Variants in SEC24B observed in about 807,000 individuals in gnomAD.
SEC24B encodes the protein SEC24 homolog B, COPII component.
Under a neutral mutation model 142.8 loss-of-function variants are expected in SEC24B, and 45 were observed. That is an observed-to-expected ratio of 0.32 (90% CI 0.25 to 0.40). The LOEUF is 0.40. Ranked by LOEUF, SEC24B falls within the 10% of genes least tolerant of loss-of-function variation. The pLI, the probability that SEC24B is intolerant of heterozygous loss-of-function variation, is 1.00. For missense variants in SEC24B, 1,409 were observed against 1,526.8 expected (o/e 0.92, Z 1.29); for synonymous variants, 574 against 568.2 (o/e 1.01, Z -0.15).
chr4:109,525,315 T>A, intron 15 of SEC24B, 31 bp from the exon 16 acceptor site: 1 of 1,517,720 alleles, frequency 6.6e-7, no homozygotes, highest in Non-Finnish European at 8.9e-7. Context: ...ATTATTTCTA[T>A]AGCTAATACT....
intron 6 of SEC24B, among the ~76,000 whole-genome samples, chr4:109,496,174 G>A (rs1168443865): frequency 2.0e-5 from 3 of 151,474 alleles, no homozygotes; most frequent in Admixed American, 6.6e-5. Context: ...GTGCAGTGGC[G>A]CTATCTCAGC....
Position 109,442,680 on chromosome 4 carries a change from CAG to C in SEC24B, c.133+8679_133+8680del, listed in dbSNP as rs1433127838. On this transcript the variant is annotated intron_variant, in intron 1 of 23. Coordinates refer to ENST00000265175, the MANE Select transcript of SEC24B (RefSeq NM_006323.5). ...CTATTTTTAATATTAAAATGTGTCTCAGGGAGGGGGAATGATCATGCTATTAT... is the reference window on the plus strand; with the variant it reads ...CTATTTTTAATATTAAAATGTGTCTCGGAGGGGGAATGATCATGCTATTAT... Among the ~76,000 whole-genome samples the C allele has an allele frequency of 3.9e-5, 6 of 152,134 alleles. No individual in the cohort carries two copies. In the South Asian group the frequency reaches 6.2e-4, roughly 16 times the overall value.
At chr4:109,479,479 A>G (rs545651420) in intron 3 of SEC24B, among the ~76,000 whole-genome samples, 1 of 152,352 alleles carries the variant, frequency 6.6e-6, no homozygotes, top group East Asian at 1.9e-4. Context: ...TTCAGGAAGC[A>G]TTCACATATC....
At position 109,463,252 on chromosome 4, in the gene SEC24B, C is replaced by G. The variant is rs374657201; in HGVS notation, c.485C>G (p.Pro162Arg). ...TCTTTTGTGAATCACTACAATAGTCCAGCCATGTACTCTGCCAGCTCTTCT... is the reference window on the plus strand; with the variant it reads ...TCTTTTGTGAATCACTACAATAGTCGAGCCATGTACTCTGCCAGCTCTTCT... The part of the protein sequence containing the change: ...YSSFVNHYNS[P>R]AMYSASSSVA... The change falls in exon 2 of 24, where the codon CCA becomes CGA. Residue 162 changes from proline (P) to arginine (R), a missense_variant. Coordinates refer to ENST00000265175, the MANE Select transcript of SEC24B (RefSeq NM_006323.5). 1.2e-6 allele frequency: 2 copies of G among 1,614,092 alleles called. No individual in the cohort carries two copies. Among genetic ancestry groups the G allele is most frequent in the Non-Finnish European group, 1.7e-6 (2 of 1,179,992 alleles).
At position 109,533,654 on chromosome 4, in the gene SEC24B, A is replaced by G; in HGVS notation, c.3557A>G (p.Tyr1186Cys). Reference protein sequence around the residue: ...DNNFIEDVLGYTNFASIPQKM... With the variant: ...DNNFIEDVLGCTNFASIPQKM... ...AACTTCATAGAGGATGTGCTTGGAT[A>G]TACTAATTTTGCATCAATACCACAG... The change falls in exon 22 of 24, where the codon TAT (tyrosine) becomes TGT (cysteine). Residue 1186 changes from tyrosine (Y) to cysteine (C), a missense_variant. Physicochemically the swap from Tyr to Cys is radical, Grantham distance 194 (BLOSUM62 -2). Coordinates refer to ENST00000265175, the MANE Select transcript of SEC24B (RefSeq NM_006323.5). 6.2e-7 allele frequency: 1 copy of G among 1,607,816 alleles called. No homozygotes were observed. The highest frequency in any genetic ancestry group is 8.5e-7 in the Non-Finnish European group (1 of 1,177,572).
At chr4:109,495,839 C>T (rs1735486259) in intron 6 of SEC24B, among the ~76,000 whole-genome samples, 2 of 152,262 alleles carry the variant, frequency 1.3e-5, no homozygotes, top group South Asian at 4.1e-4. Flanking sequence ...CGCGACTTTA[C>T]AGGCTGCTCT....
intron 1 of SEC24B, among the ~76,000 whole-genome samples, chr4:109,443,788 A>C (rs989370256): frequency 1.3e-5 from 2 of 152,222 alleles, no homozygotes; most frequent in Non-Finnish European, 2.9e-5. Flanking sequence ...GGGAATCTTA[A>C]GGGAGGAAGT....
At chr4:109,532,332 T>TA (rs537284338) in intron 20 of SEC24B, among the ~76,000 whole-genome samples, 3,485 of 147,972 alleles carry the variant, frequency 0.024, 58 homozygotes, top group Middle Eastern at 0.041. Context: ...CAAAGAAATG[T>TA]AAAAAAAAAA....
Position 109,520,467 on chromosome 4 carries a change from T to C in SEC24B, c.2228T>C (p.Ile743Thr). The C allele has an allele frequency of 2.5e-6, 4 of 1,597,008 alleles. No homozygotes were observed. Among genetic ancestry groups the C allele is most frequent in the East Asian group, 2.2e-5 (1 of 44,674 alleles). Residue 743 changes from isoleucine to threonine, a missense_variant, in exon 12 of 24, where the codon ATT becomes ACT. Coordinates refer to ENST00000265175, the MANE Select transcript of SEC24B (RefSeq NM_006323.5). ...QEGLSQPQML[I>T]VSDIDDVFLP... Reference sequence around the variant, plus strand: ...GGATTATCACAGCCTCAAATGTTGATTGTGTCTGATATAGATGGTAAGCAG... The same window carrying C: ...GGATTATCACAGCCTCAAATGTTGACTGTGTCTGATATAGATGGTAAGCAG...
intron 1 of SEC24B, among the ~76,000 whole-genome samples, chr4:109,451,622 A>T (rs912939765): frequency 6.6e-6 from 1 of 152,122 alleles, no homozygotes; most frequent in African/African-American, 2.4e-5. Flanking sequence ...TACTTGCCTT[A>T]TCCCAGTACC....
rs947271034 is a variant in SEC24B, at chr4:109,466,922, A to G, written c.877+3278A>G. On this transcript the variant is annotated intron_variant, in intron 2 of 23. Coordinates refer to ENST00000265175, the MANE Select transcript of SEC24B (RefSeq NM_006323.5). ...ATTTTTAGGCAGCTAATGAATTCAT[A>G]TTCAAAACATAGACTAAAGGGGACC... 2.0e-5 allele frequency among the ~76,000 whole-genome samples: 3 copies of G among 152,236 alleles called. No homozygotes were observed. In the South Asian group the frequency reaches 6.2e-4, roughly 31 times the overall value.
chr4:109,534,290 T>A (rs953736563), intron 22 of SEC24B, among the ~76,000 whole-genome samples: 3 of 151,704 alleles, frequency 2.0e-5, no homozygotes, highest in Non-Finnish European at 1.5e-5. Flanking sequence ...TTTTTTTTTT[T>A]ATACTATTAA....
At chr4:109,442,476 A>T (rs576728466) in intron 1 of SEC24B, among the ~76,000 whole-genome samples, 1 of 152,318 alleles carries the variant, frequency 6.6e-6, no homozygotes, top group African/African-American at 2.4e-5. Context: ...GAATTCAGTG[A>T]TTACATTCTT....
intron 14 of SEC24B, 30 bp downstream of exon 14, chr4:109,521,656 C>G (rs762540376): frequency 1.4e-6 from 2 of 1,435,330 alleles, no homozygotes; most frequent in South Asian, 2.4e-5. Flanking sequence ...TTGTCATATT[C>G]AAGATTGTGT....
intron 22 of SEC24B, among the ~76,000 whole-genome samples, chr4:109,535,004 A>G (rs998770973): frequency 6.6e-6 from 1 of 152,180 alleles, no homozygotes; most frequent in Non-Finnish European, 1.5e-5. Context: ...TGACTGAAAA[A>G]TAGTCCATTG....
chr4:109,497,383 G>T (rs1409180936), intron 6 of SEC24B, among the ~76,000 whole-genome samples: 1 of 152,130 alleles, frequency 6.6e-6, no homozygotes, highest in Non-Finnish European at 1.5e-5. Context: ...ATTTTATTCT[G>T]TAATCACAAT....
At chr4:109,445,292 G>GGAGT (rs1403195577) in intron 1 of SEC24B, among the ~76,000 whole-genome samples, 3 of 131,824 alleles carry the variant, frequency 2.3e-5, no homozygotes, top group Non-Finnish European at 4.6e-5. Context: ...CGCCCAGACT[G>GGAGT]GAGTGCAGTG....
chr4:109,530,229 T>C, intron 18 of SEC24B, 60 bp from the exon 19 acceptor site: 1 of 1,452,016 alleles, frequency 6.9e-7, no homozygotes, highest in Non-Finnish European at 9.3e-7. Context: ...AAATTTTCTC[T>C]CTTATAGTGC....
intron 1 of SEC24B, among the ~76,000 whole-genome samples, chr4:109,444,796 A>T (rs1729285993): frequency 6.6e-6 from 1 of 152,160 alleles, no homozygotes; most frequent in Non-Finnish European, 1.5e-5. Flanking sequence ...AAAATATTTT[A>T]TTTCTTCATT....
Sources: gnomAD v4.1 joint callset for allele counts (sites outside exome capture counted in the v4.1 genomes callset) on GRCh38, gnomAD v4.1.1 for gene constraint, MANE v1.5 for transcripts, NCBI Gene and HGNC (gene_info 2026-07-23, HGNC 2026-07-21) for gene names.